PCDHA10: variants seen among roughly 807,000 people sequenced by gnomAD.
PCDHA10 encodes the protein protocadherin alpha-10.
Under a neutral mutation model 61.2 loss-of-function variants are expected in PCDHA10, and 45 were observed. That is an observed-to-expected ratio of 0.74 (90% confidence interval 0.58 to 0.94). The LOEUF (loss-of-function observed/expected upper bound fraction) is 0.94, where lower values mean the gene tolerates loss of function less well. PCDHA10 is among the 40% of genes least tolerant of loss of function. The probability of loss-of-function intolerance (pLI) is 0.00; values close to 1 mark genes in which losing one functional copy is unlikely to be tolerated. For missense variants in PCDHA10, 1,278 were observed against 1,236.2 expected, an observed-to-expected ratio of 1.03 and a Z score of -0.51; for synonymous variants, 602 against 548.8, an observed-to-expected ratio of 1.10 and a Z score of -1.35.
Position 140,857,965 on chromosome 5 carries a change from T to C in PCDHA10, c.1917T>C (p.Thr639=). The C allele has an allele frequency of 6.3e-7, 1 of 1,597,084 alleles. No homozygotes were observed. Among genetic ancestry groups the C allele is most frequent in the Non-Finnish European group, 8.6e-7 (1 of 1,167,284 alleles). ...EISTTRALDE[T]DSPRQRLLVL... ...GTACGACGCGCGCTCTGGATGAGAC[T>C]GACTCGCCACGCCAGCGCCTACTGG... is the stretch of plus-strand genomic sequence containing the variant. Residue 639 remains threonine (T), a synonymous_variant, in exon 1 of 4, where the codon ACT becomes ACC. Coordinates refer to ENST00000307360, the MANE Select transcript of PCDHA10 (RefSeq NM_018901.4).
chr5:140,989,538 T>G (rs1254500205), intron 3 of PCDHA10, among the ~76,000 whole-genome samples: 3 of 152,180 alleles, frequency 2.0e-5, no homozygotes, highest in Non-Finnish European at 4.4e-5. Flanking sequence ...GAAGATAGTT[T>G]GTAATTCCTT....
intron 1 of PCDHA10, chr5:140,968,888 CTAA>C: frequency 6.2e-7 from 1 of 1,614,210 alleles, no homozygotes; most frequent in Non-Finnish European, 8.5e-7. Context: ...TACCCTTTAT[CTAA>C]TAATAGCATT....
At chr5:140,863,142 G>C (rs782245937) in intron 1 of PCDHA10, 1 of 609,728 alleles carries the variant, frequency 1.6e-6, no homozygotes. Flanking sequence ...TGCTGGTGCT[G>C]GTGAAGGACC....
At position 140,928,087 on chromosome 5, in the gene PCDHA10, A is replaced by T. The variant is rs1554205462; in HGVS notation, c.2389-50862A>T. On this transcript the variant is annotated intron_variant, in intron 1 of 3. Coordinates refer to ENST00000307360, the MANE Select transcript of PCDHA10 (RefSeq NM_018901.4). The stretch of plus-strand genomic sequence containing the variant: ...CTTTGACAACTACTACAGCCTGCTG[A>T]TTGATGGGCCCCTGGACCGGGAGCA... 3.1e-6 allele frequency: 5 copies of T among 1,614,022 alleles called. No individual in the cohort carries two copies. In the African/African-American group the frequency reaches 5.3e-5, roughly 17 times the overall value.
At chr5:140,877,471 G>T (rs2057146762) in intron 1 of PCDHA10, 1 of 1,613,828 alleles carries the variant, frequency 6.2e-7, no homozygotes, top group South Asian at 1.1e-5. Flanking sequence ...CACGGTGCTG[G>T]TGTCGCTGGT....
intron 1 of PCDHA10, chr5:140,870,941 C>T: frequency 6.2e-7 from 1 of 1,613,712 alleles, no homozygotes; most frequent in Non-Finnish European, 8.5e-7. Context: ...TTGCAGCCGG[C>T]GGCGGGCGGC....
chr5:140,895,905 G>A (rs987746254), intron 1 of PCDHA10, among the ~76,000 whole-genome samples: 4 of 152,076 alleles, frequency 2.6e-5, no homozygotes, highest in Admixed American at 1.3e-4. Context: ...TCCGCGTCCC[G>A]GGCTCAACAA....
intron 1 of PCDHA10, chr5:140,875,864 C>A (rs781972677): frequency 3.7e-6 from 6 of 1,614,168 alleles, no homozygotes; most frequent in Admixed American, 3.3e-5. Context: ...GACAACCCGC[C>A]GGTGTTCAGA....
chr5:140,907,239 C>A (rs1447900433), intron 1 of PCDHA10, among the ~76,000 whole-genome samples: 1 of 152,200 alleles, frequency 6.6e-6, no homozygotes, highest in African/African-American at 2.4e-5. Flanking sequence ...ACCTAGTTGA[C>A]ATTGTAATTG....
chr5:140,871,302 G>T lies in PCDHA10; in HGVS notation c.2388+12866G>T, dbSNP rs2052939724. ...CGCCCACTGAGGGCGCGTGCGCGCCGGGGAAGCCCACGCTGGTGTGCTCCC... is the reference window on the plus strand; with the variant it reads ...CGCCCACTGAGGGCGCGTGCGCGCCTGGGAAGCCCACGCTGGTGTGCTCCC... On this transcript the variant is annotated intron_variant, in intron 1 of 3. Coordinates refer to ENST00000307360, the MANE Select transcript of PCDHA10 (RefSeq NM_018901.4). 1.9e-6 allele frequency: 3 copies of T among 1,613,974 alleles called. 1 individual carries two copies. Among genetic ancestry groups the T allele is most frequent in the South Asian group, 2.2e-5 (2 of 91,078 alleles).
intron 1 of PCDHA10, chr5:140,928,757 G>A (rs372744198): frequency 6.2e-7 from 1 of 1,613,974 alleles, no homozygotes; most frequent in African/African-American, 1.3e-5. Flanking sequence ...CGTACTGCTC[G>A]CTTAGTTCTT....
chr5:140,941,748 T>G (rs2093156951), intron 1 of PCDHA10, among the ~76,000 whole-genome samples: 1 of 152,210 alleles, frequency 6.6e-6, no homozygotes, highest in South Asian at 2.1e-4. Flanking sequence ...CTTATCAGAT[T>G]TTCAGTGCTT....
chr5:140,988,411 A>T (rs2097296392), intron 3 of PCDHA10, among the ~76,000 whole-genome samples: 1 of 152,144 alleles, frequency 6.6e-6, no homozygotes, highest in Non-Finnish European at 1.5e-5. Flanking sequence ...TTCGCAGCTT[A>T]TGTAAAGAAT....
intron 1 of PCDHA10, chr5:140,881,278 T>G: frequency 5.4e-6 from 4 of 743,002 alleles, no homozygotes; most frequent in Non-Finnish European, 6.6e-6. Flanking sequence ...TGAAGTAAGA[T>G]GGAGAGAGAA....
At position 141,010,386 on chromosome 5, in the gene PCDHA10, T is replaced by C; in HGVS notation, c.*449T>C. On this transcript the variant is annotated 3_prime_UTR_variant, in exon 4 of 4. Coordinates refer to ENST00000307360, the MANE Select transcript of PCDHA10 (RefSeq NM_018901.4). ...GGGTATGCGAGTGCCAGATATTGGCTGAGACGAGCCAGCTTAGACTAATTG... is the reference window on the plus strand; with the variant it reads ...GGGTATGCGAGTGCCAGATATTGGCCGAGACGAGCCAGCTTAGACTAATTG... The C allele has an allele frequency of 7.1e-7, 1 of 1,413,970 alleles. No homozygotes were observed. The highest frequency in any genetic ancestry group is 9.4e-7 in the Non-Finnish European group (1 of 1,063,616). 87.6% of individuals were successfully genotyped at this position (1,413,970 alleles called of 1,614,324 possible). A position where few individuals can be genotyped will look rare whatever the true frequency, so the allele number is the denominator to read the frequency against.
rs782349051 is a variant in PCDHA10, at chr5:140,857,178, A to G, written c.1130A>G (p.Asp377Gly). 8.1e-6 allele frequency: 13 copies of G among 1,598,358 alleles called. No individual in the cohort carries two copies. The South Asian group carries it at 1.3e-4, about 16-fold the overall frequency. Residue 377 changes from aspartate (D) to glycine (G), a missense_variant, in exon 1 of 4, where the codon GAT (aspartate) becomes GGT (glycine). Transcript: ENST00000307360. ...VIALISVSDH[D>G]SGANGQVTCS... is the part of the protein sequence containing the mutation. The stretch of plus-strand genomic sequence containing the variant: ...GCCCTAATCAGCGTTTCTGACCATG[A>G]TTCAGGAGCCAACGGACAGGTCACC...
intron 1 of PCDHA10, among the ~76,000 whole-genome samples, chr5:140,871,917 C>T (rs1156778814): frequency 2.0e-5 from 3 of 152,178 alleles, no homozygotes; most frequent in Admixed American, 2.0e-4. Context: ...CTTGATATTT[C>T]CACATTGTTA....
chr5:140,861,466 T>C (rs533343348), intron 1 of PCDHA10: 34 of 493,930 alleles, frequency 6.9e-5, no homozygotes, highest in African/African-American at 6.7e-4. Context: ...GAGGTAAATC[T>C]GCAGAATGGC....
At chr5:140,860,192 C>CATATATATATATATATATATATATAT (rs143984774) in intron 1 of PCDHA10, 76 of 146,806 alleles carry the variant, frequency 5.2e-4, no homozygotes, top group Middle Eastern at 3.6e-3. Flanking sequence ...GCTCTCCTTA[C>CATATATATATATATATATATATATAT]ATATATATCT....
Sources: allele counts gnomAD v4.1 joint callset (sites outside exome capture counted in the v4.1 genomes callset), GRCh38; gene constraint gnomAD v4.1.1; transcripts MANE v1.5; gene names NCBI Gene and HGNC (gene_info 2026-07-23, HGNC 2026-07-21).